MGAT4C: variants seen among roughly 807,000 people sequenced by gnomAD.
MGAT4C encodes the protein MGAT4 family member C.
A neutral mutation model predicts 40.1 loss-of-function variants in MGAT4C; 19 were observed. That is an observed-to-expected ratio of 0.47 (90% CI 0.33 to 0.70). The LOEUF (loss-of-function observed/expected upper bound fraction) is 0.70, where lower values mean the gene tolerates loss of function less well. Ranked by LOEUF, MGAT4C falls within the 30% of genes least tolerant of loss-of-function variation. The pLI is 0.02. For missense variants in MGAT4C, 491 were observed against 563.2 expected (o/e 0.87, Z 1.30); for synonymous variants, 181 against 187.1 (o/e 0.97, Z 0.27).
intron 1 of MGAT4C, among the ~76,000 whole-genome samples, chr12:86,829,918 C>A (rs1952887036): frequency 6.7e-6 from 1 of 150,046 alleles, no homozygotes; most frequent in Non-Finnish European, 1.5e-5. Context: ...TGTTTACATA[C>A]ATATCGATGT....
chr12:86,082,119 C>T (rs1302654658), intron 1 of MGAT4C, among the ~76,000 whole-genome samples: 2 of 152,074 alleles, frequency 1.3e-5, no homozygotes, highest in African/African-American at 2.4e-5. Flanking sequence ...TCATAAGAAT[C>T]CCCTTTCAGA....
intron 1 of MGAT4C, among the ~76,000 whole-genome samples, chr12:86,785,190 T>C (rs1053415961): frequency 6.6e-6 from 1 of 152,040 alleles, no homozygotes; most frequent in Non-Finnish European, 1.5e-5. Context: ...AACTAAGCTA[T>C]CACAAATGTC....
intron 3 of MGAT4C, among the ~76,000 whole-genome samples, chr12:86,405,017 T>C (rs1344368174): frequency 1.3e-5 from 2 of 152,004 alleles, no homozygotes; most frequent in African/African-American, 4.8e-5. Flanking sequence ...TCTCAATCTT[T>C]AAAGGGGTGA....
At chr12:86,154,976 A>G (rs1273172636) in intron 1 of MGAT4C, among the ~76,000 whole-genome samples, 2 of 152,208 alleles carry the variant, frequency 1.3e-5, no homozygotes, top group African/African-American at 4.8e-5. Flanking sequence ...TCTGAAGAAA[A>G]TAAAGTGGGA....
At chr12:86,545,072 G>A (rs1016827605) in intron 2 of MGAT4C, among the ~76,000 whole-genome samples, 8 of 151,772 alleles carry the variant, frequency 5.3e-5, no homozygotes, top group Admixed American at 3.3e-4. Flanking sequence ...AATATTTCTC[G>A]CTATGGATCT....
intron 1 of MGAT4C, among the ~76,000 whole-genome samples, chr12:86,737,334 C>A (rs897593198): frequency 8.1e-6 from 1 of 122,930 alleles, no homozygotes; most frequent in Admixed American, 1.0e-4. Context: ...GTCTAGCCAA[C>A]TAAAATACTT....
intron 2 of MGAT4C, among the ~76,000 whole-genome samples, chr12:86,604,883 G>T (rs535739867): frequency 6.6e-6 from 1 of 152,206 alleles, no homozygotes; most frequent in South Asian, 2.1e-4. Context: ...AGACTCTAGG[G>T]AGCATGTACC....
chr12:86,549,751 G>C (rs77839718), intron 2 of MGAT4C, among the ~76,000 whole-genome samples: 4,720 of 152,268 alleles, frequency 0.031, 124 homozygotes, highest in African/African-American at 0.074. Flanking sequence ...GATTTGACTG[G>C]AGGGAGAGTG....
At chr12:86,754,265 A>AT (rs545725378) in intron 1 of MGAT4C, among the ~76,000 whole-genome samples, 115 of 152,288 alleles carry the variant, frequency 7.6e-4, no homozygotes, top group Non-Finnish European at 1.5e-3. Flanking sequence ...ATAATGTCAT[A>AT]TAAAAATTCT....
At chr12:86,458,726 G>T (rs1177187474) in intron 2 of MGAT4C, among the ~76,000 whole-genome samples, 3 of 152,088 alleles carry the variant, frequency 2.0e-5, no homozygotes, top group Non-Finnish European at 2.9e-5. Flanking sequence ...ACGAGTAAAT[G>T]ATAATTATCT....
At chr12:86,570,874 C>T (rs1008867686) in intron 2 of MGAT4C, among the ~76,000 whole-genome samples, 13 of 152,068 alleles carry the variant, frequency 8.5e-5, no homozygotes, top group African/African-American at 3.1e-4. Context: ...AATGCAGTGG[C>T]GTGACCTTGG....
At chr12:86,770,521 A>T (rs1951613590) in intron 1 of MGAT4C, among the ~76,000 whole-genome samples, 1 of 152,090 alleles carries the variant, frequency 6.6e-6, no homozygotes, top group Non-Finnish European at 1.5e-5. Flanking sequence ...ATTAAATATT[A>T]TACATGATCC....
intron 1 of MGAT4C, among the ~76,000 whole-genome samples, chr12:86,759,196 T>C (rs762291285): frequency 2.6e-5 from 4 of 152,138 alleles, no homozygotes; most frequent in Non-Finnish European, 4.4e-5. Context: ...GCTTCATTCA[T>C]GATGCTGCAA....
intron 2 of MGAT4C, among the ~76,000 whole-genome samples, chr12:86,720,538 A>T (rs2136643394): frequency 6.6e-6 from 1 of 152,274 alleles, no homozygotes. Context: ...TCATCTGTTC[A>T]TGATTCAAGT....
At chr12:86,382,655 T>G (rs1001212372) in intron 3 of MGAT4C, among the ~76,000 whole-genome samples, 1 of 152,194 alleles carries the variant, frequency 6.6e-6, no homozygotes, top group Non-Finnish European at 1.5e-5. Flanking sequence ...TATGGTTTCA[T>G]GGGCCGGGCC....
At chr12:86,557,290 C>T (rs1406452832) in intron 2 of MGAT4C, among the ~76,000 whole-genome samples, 1 of 152,118 alleles carries the variant, frequency 6.6e-6, no homozygotes, top group Non-Finnish European at 1.5e-5. Flanking sequence ...CTGTTGACCA[C>T]AATAATAAAA....
In MGAT4C at chr12:86,224,594, T is replaced by A. The variant is rs1345830534; in HGVS notation, c.-57+31645A>T. 5.3e-5 allele frequency among the ~76,000 whole-genome samples: 8 copies of A among 152,122 alleles called. No homozygotes were observed. In the East Asian group the frequency reaches 1.3e-3, roughly 26 times the overall value. On this transcript the variant is annotated intron_variant, in intron 1 of 4. Transcript: ENST00000611864. ...TAAACTTAAAGAAATCAAAATTAAG[T>A]CAAATACCTTCTCAGACCACAGTGG...
At chr12:86,768,334 A>C (rs1032208284) in intron 1 of MGAT4C, among the ~76,000 whole-genome samples, 1 of 152,204 alleles carries the variant, frequency 6.6e-6, no homozygotes, top group African/African-American at 2.4e-5. Context: ...CTCTTCAAGG[A>C]GAACAACAAA....
In MGAT4C at chr12:86,429,596, C is replaced by T. The variant is rs146715460; in HGVS notation, c.-120+5561G>A. On this transcript the variant is annotated intron_variant, in intron 3 of 7. Transcript: ENST00000548651. ...TTTTTTTCTTTCAGAACTTTGACTA[C>T]ATCTTTCCACTCTCTCTTGCTTGAA... Among the ~76,000 whole-genome samples, 3 of 152,236 alleles carry T rather than the reference C, an allele frequency of 2.0e-5. No individual in the cohort carries two copies. In the East Asian group the frequency reaches 5.8e-4, roughly 29 times the overall value.
Sources: allele counts gnomAD v4.1 joint callset (sites outside exome capture counted in the v4.1 genomes callset), GRCh38; gene constraint gnomAD v4.1.1; transcripts MANE v1.5; gene names NCBI Gene and HGNC (gene_info 2026-07-23, HGNC 2026-07-21).